Variants in SCN3A observed in about 807,000 individuals in gnomAD.
The protein encoded by SCN3A is sodium channel protein type 3 subunit alpha.
A neutral mutation model predicts 187.6 loss-of-function variants in SCN3A; 60 were observed. The observed-to-expected ratio is 0.32, with a 90% CI of 0.26 to 0.40. SCN3A has a LOEUF of 0.40. SCN3A is among the 10% of genes least tolerant of loss of function. SCN3A has a pLI of 1.00. For missense variants in SCN3A, 1,601 were observed against 2,428.2 expected (o/e 0.66, Z 7.16); for synonymous variants, 788 against 829.2 (o/e 0.95, Z 0.85).
Position 165,095,431 on chromosome 2 carries a change from C to T in SCN3A, c.4431+80G>A, listed in dbSNP as rs558577882. The T allele has an allele frequency of 7.5e-5, 105 of 1,395,296 alleles. 3 individuals are homozygous for T. The South Asian group carries it at 1.2e-3, about 16-fold the overall frequency. The allele number at this position is 1,395,296 out of a possible 1,614,324, so 86.4% of individuals were successfully genotyped here. A position where few individuals can be genotyped will look rare whatever the true frequency, so the allele number is the denominator to read the frequency against. On this transcript the variant is annotated intron_variant, in intron 25 of 27. Transcript: ENST00000283254. ...TAAACATGATTTAAGTCTGTCATGA[C>T]CACAGGTATTCTGGTTATTTGGCTG...
At chr2:165,142,723 G>GTGTTGTTGT (rs4001045) in intron 12 of SCN3A, among the ~76,000 whole-genome samples, 8,472 of 148,766 alleles carry the variant, frequency 0.057, 290 homozygotes, top group Non-Finnish European at 0.073. Context: ...TCCAGAACTC[G>GTGTTGTTGT]TGTTGTTGTT....
chr2:165,202,290 T>C (rs900512666), intron 1 of SCN3A, among the ~76,000 whole-genome samples: 1 of 152,034 alleles, frequency 6.6e-6, no homozygotes, highest in Non-Finnish European at 1.5e-5. Flanking sequence ...GTTGCAACTA[T>C]ACCAAGAAAA....
chr2:165,092,821 C>CTG lies in SCN3A; in HGVS notation c.4537-299_4537-298dup, dbSNP rs534266460. 105 of 327,630 alleles carry CTG rather than the reference C, an allele frequency of 3.2e-4. 1 individual carries two copies. The East Asian group carries it at 6.0e-3, about 19-fold the overall frequency. 20.3% of individuals were successfully genotyped at this position (327,630 alleles called of 1,614,324 possible). ...CCTGTAATTCCAGCACTTTAGGAGG[C>CTG]TGAGACTGGAGGCTCTCTTGAGGCC... On this transcript the variant is annotated intron_variant, in intron 26 of 27. Coordinates refer to ENST00000283254, the MANE Select transcript of SCN3A (RefSeq NM_006922.4). The surrounding 1 kb of genome is among the most constrained non-coding windows in gnomAD (Gnocchi z 4.2).
intron 2 of SCN3A, among the ~76,000 whole-genome samples, chr2:165,185,739 T>A (rs918803687): frequency 3.9e-5 from 6 of 152,132 alleles, no homozygotes; most frequent in African/African-American, 1.4e-4. Flanking sequence ...TTTTTCTAGT[T>A]AGTTGCAGAT....
chr2:165,142,309 C>A (rs1246053568), intron 12 of SCN3A, among the ~76,000 whole-genome samples: 1 of 152,194 alleles, frequency 6.6e-6, no homozygotes, highest in East Asian at 1.9e-4. Context: ...GGTTCCTCTG[C>A]CTAATTAGGT....
At position 165,146,749 on chromosome 2, in the gene SCN3A, G is replaced by A. The variant is rs1410322369; in HGVS notation, c.1661C>T (p.Ser554Phe). 2 of 1,613,940 alleles carry A rather than the reference G, an allele frequency of 1.2e-6. No individual in the cohort carries two copies. The highest frequency in any genetic ancestry group is 4.5e-5 in the East Asian group (2 of 44,858). ...NRLTSDKKFC[S>F]PHQSLLSIRG... ...AGTAGAAAATCATACCTGATGAGGG[G>A]AGCAGAATTTTTTGTCACTGGTCAG... The change falls in exon 12 of 28, where the codon TCC becomes TTC. Residue 554 changes from serine (S) to phenylalanine (F), a missense_variant. Around this residue, in one of 11 missense-constraint regions of SCN3A, gnomAD observed 376 missense variants for 476.0 expected, o/e 0.79. Transcript: ENST00000283254.
chr2:165,198,930 G>C (rs1692150522), intron 1 of SCN3A, among the ~76,000 whole-genome samples: 1 of 151,858 alleles, frequency 6.6e-6, no homozygotes, highest in African/African-American at 2.4e-5. Flanking sequence ...CTCAAATAGA[G>C]GCTTAAGCCC....
intron 11 of SCN3A, among the ~76,000 whole-genome samples, chr2:165,148,407 A>C (rs1156734029): frequency 1.3e-5 from 2 of 151,936 alleles, no homozygotes; most frequent in African/African-American, 4.8e-5. Context: ...TGGAGATAAA[A>C]CCTATTTATA....
At chr2:165,159,106 G>C (rs1689215821) in intron 9 of SCN3A, among the ~76,000 whole-genome samples, 1 of 137,848 alleles carries the variant, frequency 7.3e-6, no homozygotes, top group African/African-American at 2.9e-5. Context: ...ATCAGAAGTT[G>C]GTATTGCCAG....
intron 17 of SCN3A, among the ~76,000 whole-genome samples, chr2:165,128,959 C>G (rs1330613424): frequency 1.3e-5 from 2 of 152,064 alleles, no homozygotes; most frequent in Non-Finnish European, 2.9e-5. Flanking sequence ...ATATTTTTAG[C>G]CTGAAATGTA....
At chr2:165,094,603 A>G (rs2105636932) in intron 25 of SCN3A, 125 bp from the exon 26 acceptor site, 1 of 687,476 alleles carries the variant, frequency 1.5e-6, no homozygotes, top group African/African-American at 1.8e-5. Flanking sequence ...ATATACATTT[A>G]TCCTGCTTTT....
intron 2 of SCN3A, among the ~76,000 whole-genome samples, chr2:165,178,537 TG>T (rs1343341794): frequency 2.0e-5 from 3 of 152,196 alleles, no homozygotes; most frequent in African/African-American, 7.2e-5. Flanking sequence ...GCCCAAAAAG[TG>T]TTTTTAACGT....
rs1687231087 is a variant in SCN3A at position 165,130,236 on chromosome 2, C to T, written c.2626G>A (p.Gly876Ser). The T allele has an allele frequency of 6.2e-6, 10 of 1,614,012 alleles. No individual in the cohort carries two copies. Among genetic ancestry groups the T allele is most frequent in the African/African-American group, 1.3e-5 (1 of 74,914 alleles). Residue 876 changes from glycine to serine, a missense_variant, in exon 17 of 28, where the codon GGC becomes AGC. By Grantham distance (56) the Gly-to-Ser change is moderately conservative. Coordinates refer to ENST00000283254, the MANE Select transcript of SCN3A (RefSeq NM_006922.4). ...PTLNMLIKII[G>S]NSVGALGNLT... ...TTTCCTAGAGCCCCCACAGAATTGCCAATGATCTTAATTAGCATATTTAGT... is the reference window on the plus strand; with the variant it reads ...TTTCCTAGAGCCCCCACAGAATTGCTAATGATCTTAATTAGCATATTTAGT...
intron 1 of SCN3A, among the ~76,000 whole-genome samples, chr2:165,194,121 G>C (rs902000024): frequency 6.6e-5 from 10 of 152,236 alleles, no homozygotes; most frequent in African/African-American, 2.4e-4. Context: ...AAAGATAAGA[G>C]AGAGGAAAAC....
chr2:165,140,705 G>A lies in SCN3A; in HGVS notation c.1965C>T (p.Ser655=), dbSNP rs761356136. Residue 655 remains serine, a synonymous_variant, in exon 13 of 28, where the codon TCC becomes TCT. Coordinates refer to ENST00000283254, the MANE Select transcript of SCN3A (RefSeq NM_006922.4). This position sits in a 1 kb window ranked among gnomAD's most constrained non-coding sequence, Gnocchi z 4.2. ...HSTVDCNGVV[S]LVGGPSALTS... ...TTAGAGCTGAAGGTCCACCCACCAA[G>A]GAAACCACACCATTGCAATCCACAG... The A allele has an allele frequency of 1.9e-6, 3 of 1,613,864 alleles. No individual in the cohort carries two copies. The highest frequency in any genetic ancestry group is 2.5e-6 in the Non-Finnish European group (3 of 1,179,974).
At position 165,092,143 on chromosome 2, in the gene SCN3A, C is replaced by T. The variant is rs1190571724; in HGVS notation, c.4807+111G>A. On this transcript the variant is annotated intron_variant, in intron 27 of 27. Transcript: ENST00000283254. This position sits in a 1 kb window ranked among gnomAD's most constrained non-coding sequence, Gnocchi z 4.2. The stretch of plus-strand genomic sequence containing the variant: ...TCAAATATGCTAGTGTTGAACTTTA[C>T]ATCTATATGCATTATTATTCTCAGA... 3 of 1,064,464 alleles carry T rather than the reference C, an allele frequency of 2.8e-6. No homozygotes were observed. The East Asian group carries it at 7.1e-5, about 25-fold the overall frequency. The allele number at this position is 1,064,464 out of a possible 1,614,324, so 65.9% of individuals were successfully genotyped here. A position where few individuals can be genotyped will look rare whatever the true frequency, so the allele number is the denominator to read the frequency against.
At chr2:165,180,579 G>A (rs1233528610) in intron 2 of SCN3A, among the ~76,000 whole-genome samples, 2 of 152,024 alleles carry the variant, frequency 1.3e-5, no homozygotes, top group East Asian at 3.9e-4. Context: ...AGCAGGTGGG[G>A]TGGGGGTGGC....
At chr2:165,131,106 A>G in intron 16 of SCN3A, 138 bp downstream of exon 16, 1 of 420,124 alleles carries the variant, frequency 2.4e-6, no homozygotes, top group Non-Finnish European at 3.8e-6. Flanking sequence ...TTTAAAGAGG[A>G]TGTTTACATG....
rs528378419 is a variant in SCN3A, at chr2:165,129,838, G to A, written c.2922+102C>T. On this transcript the variant is annotated intron_variant, in intron 17 of 27. Coordinates refer to ENST00000283254, the MANE Select transcript of SCN3A (RefSeq NM_006922.4). The stretch of plus-strand genomic sequence containing the variant: ...TGCTAATAGGGGGATTTCAGTCTAG[G>A]CCACTTACTATAAACCAGAGATATG... The A allele has an allele frequency of 1.8e-5, 26 of 1,432,102 alleles. No individual in the cohort carries two copies. In the South Asian group the frequency reaches 2.8e-4, roughly 15 times the overall value. 88.7% of individuals were successfully genotyped at this position (1,432,102 alleles called of 1,614,324 possible).
Sources: gnomAD v4.1 joint callset for allele counts (sites outside exome capture counted in the v4.1 genomes callset) on GRCh38, gnomAD v4.1.1 for gene constraint, gnomAD v4.1.1 regional missense constraint, Gnocchi (gnomAD v3.1) non-coding constraint, MANE v1.5 for transcripts, NCBI Gene and HGNC (gene_info 2026-07-23, HGNC 2026-07-21) for gene names.